The following MIS18A variants were observed in gnomAD, a reference collection of about 807,000 sequenced individuals.
MIS18A encodes MIS18 kinetochore protein A.
A neutral mutation model predicts 25.0 loss-of-function variants in MIS18A; 14 were observed. The observed-to-expected ratio is 0.56, with a 90% CI of 0.37 to 0.88. MIS18A has a LOEUF of 0.88. Ranked by LOEUF, MIS18A falls within the 40% of genes least tolerant of loss-of-function variation. The pLI is 0.00. For synonymous variants in MIS18A, 134 were observed against 118.6 expected, an observed-to-expected ratio of 1.13 and a Z score of -0.84; for missense variants, 292 against 290.8, an observed-to-expected ratio of 1.00 and a Z score of -0.03.
chr21:32,235,691 A>G, the MIS18A span, among the ~76,000 whole-genome samples: 30 of 152,310 alleles, frequency 2.0e-4, 1 homozygote, highest in Admixed American at 1.8e-3. Context: ...GGCCAAGGCG[A>G]GTGTATAGCC....
chr21:32,180,006 A>C, the MIS18A span, among the ~76,000 whole-genome samples: 90,238 of 152,114 alleles, frequency 0.59, 27,572 homozygotes, highest in African/African-American at 0.74. Context: ...GAGATTCCAC[A>C]ATAGAGCGGA....
At chr21:32,162,580 G>A in the MIS18A span, among the ~76,000 whole-genome samples, 61 of 152,192 alleles carry the variant, frequency 4.0e-4, no homozygotes, top group East Asian at 3.1e-3. Context: ...TGTACTGATC[G>A]TATCATAGTG....
chr21:32,278,613 C>T (rs2031863816), intron 1 of MIS18A, 68 bp downstream of exon 1: 2 of 1,419,170 alleles, frequency 1.4e-6, no homozygotes, highest in East Asian at 5.0e-5. Context: ...CCTCCCGGGC[C>T]GCCCACGCGC....
the MIS18A span, among the ~76,000 whole-genome samples, chr21:32,253,354 G>A: frequency 6.6e-6 from 1 of 152,112 alleles, no homozygotes; most frequent in East Asian, 1.9e-4. Context: ...AGCTCATTTG[G>A]CCTGCAAGCT....
chr21:32,254,354 A>G, the MIS18A span, among the ~76,000 whole-genome samples: 1 of 151,568 alleles, frequency 6.6e-6, no homozygotes, highest in Non-Finnish European at 1.5e-5. Context: ...AGCCTGGCCA[A>G]CCCTGTCTCT....
Position 32,269,810 on chromosome 21 carries a change from T to A in MIS18A, c.525-7A>T. 2 of 1,537,444 alleles carry A rather than the reference T, an allele frequency of 1.3e-6. No individual in the cohort carries two copies. Among genetic ancestry groups the A allele is most frequent in the Middle Eastern group, 1.7e-4 (1 of 5,916 alleles). On this transcript the variant is annotated splice_region_variant and splice_polypyrimidine_tract_variant and intron_variant, in intron 3 of 4. Transcript: ENST00000290130. ...AGAGGACCCTAAAACATAACTGAAG[T>A]ACGGTACAAGGTTAAAATACAAGCT...
chr21:32,259,241 G>C, the MIS18A span, among the ~76,000 whole-genome samples: 21 of 152,086 alleles, frequency 1.4e-4, no homozygotes, highest in Non-Finnish European at 2.9e-4. Context: ...TCGAGGGAAG[G>C]GTTGGCCAGG....
chr21:32,248,647 A>T, the MIS18A span, among the ~76,000 whole-genome samples: 1 of 152,350 alleles, frequency 6.6e-6, no homozygotes, highest in Non-Finnish European at 1.5e-5. Context: ...CAGAGAGCTT[A>T]ACCCAGGCTT....
At chr21:32,157,625 C>T in the MIS18A span, among the ~76,000 whole-genome samples, 1 of 151,968 alleles carries the variant, frequency 6.6e-6, no homozygotes, top group Non-Finnish European at 1.5e-5. Context: ...TAAATAGTTA[C>T]TTGGTTTTGC....
At chr21:32,195,796 G>T in the MIS18A span, among the ~76,000 whole-genome samples, 1 of 152,106 alleles carries the variant, frequency 6.6e-6, no homozygotes, top group East Asian at 1.9e-4. Context: ...GAGGCAGGTG[G>T]ATACCTTGAG....
chr21:32,180,412 C>T, the MIS18A span, among the ~76,000 whole-genome samples: 1 of 152,198 alleles, frequency 6.6e-6, no homozygotes, highest in Non-Finnish European at 1.5e-5. Context: ...ACCCTGCTTT[C>T]CGTCTATAGT....
the MIS18A span, among the ~76,000 whole-genome samples, chr21:32,166,397 C>G: frequency 6.6e-6 from 1 of 152,060 alleles, no homozygotes; most frequent in Non-Finnish European, 1.5e-5. Flanking sequence ...ACAAAAGAAA[C>G]CAGAGCACTG....
At chr21:32,248,560 C>T in the MIS18A span, among the ~76,000 whole-genome samples, 2 of 152,202 alleles carry the variant, frequency 1.3e-5, no homozygotes, top group Non-Finnish European at 2.9e-5. Context: ...TTCACACAGT[C>T]GGAGCCACAG....
At chr21:32,195,672 C>T in the MIS18A span, among the ~76,000 whole-genome samples, 185 of 152,170 alleles carry the variant, frequency 1.2e-3, 1 homozygote, top group African/African-American at 4.3e-3. Flanking sequence ...TTATGAGCTC[C>T]GTGCTCCAGA....
At chr21:32,198,701 A>C in the MIS18A span, among the ~76,000 whole-genome samples, 1 of 152,258 alleles carries the variant, frequency 6.6e-6, no homozygotes, top group Non-Finnish European at 1.5e-5. Flanking sequence ...AAGGCTTTGG[A>C]GGCCCCAGAG....
chr21:32,172,571 T>C, the MIS18A span, among the ~76,000 whole-genome samples: 73,403 of 151,370 alleles, frequency 0.48, 18,847 homozygotes, highest in African/African-American at 0.64. Flanking sequence ...GATGCGTTTT[T>C]TTTCCTTTTC....
the MIS18A span, chr21:32,260,084 C>CTTTTTTTTTTTTTTTTTTTTTTTTTTTT: frequency 2.8e-4 from 33 of 116,956 alleles, 2 homozygotes; most frequent in African/African-American, 7.0e-4. Flanking sequence ...TTTTTCTCAG[C>CTTTTTTTTTTTTTTTTTTTTTTTTTTTT]TTTTTTTTTT....
Position 32,269,099 on chromosome 21 carries a change from C to G in MIS18A, c.640G>C (p.Ala214Pro). 1.2e-6 allele frequency: 2 copies of G among 1,603,222 alleles called. No homozygotes were observed. Among genetic ancestry groups the G allele is most frequent in the Non-Finnish European group, 1.7e-6 (2 of 1,173,760 alleles). Reference sequence around the variant, plus strand: ...GCCTCCCACAGCTTCATTTGTAATGCTTTCAAGACATCTTCCATCTATTGA... The same window carrying G: ...GCCTCCCACAGCTTCATTTGTAATGGTTTCAAGACATCTTCCATCTATTGA... ...SLTQMEDVLK[A>P]LQMKLWEAES... Residue 214 changes from alanine (A) to proline (P), a missense_variant, in exon 5 of 5, where the codon GCA (alanine) becomes CCA (proline). Physicochemically the swap from Ala to Pro is conservative, Grantham distance 27. Coordinates refer to ENST00000290130, the MANE Select transcript of MIS18A (RefSeq NM_018944.3).
At chr21:32,177,543 T>G in the MIS18A span, among the ~76,000 whole-genome samples, 1 of 152,266 alleles carries the variant, frequency 6.6e-6, no homozygotes, top group Non-Finnish European at 1.5e-5. Flanking sequence ...ATTGTATGTA[T>G]AAAACTCTGA....
Sources: gnomAD v4.1 joint callset for allele counts (sites outside exome capture counted in the v4.1 genomes callset) on GRCh38, gnomAD v4.1.1 for gene constraint, MANE v1.5 for transcripts, NCBI Gene and HGNC (gene_info 2026-07-23, HGNC 2026-07-21) for gene names.